B3GAT2: variants seen among roughly 807,000 people sequenced by gnomAD.
B3GAT2 encodes galactosylgalactosylxylosylprotein 3-beta-glucuronosyltransferase 2.
B3GAT2 carries 26 observed loss-of-function variants against 27.8 expected under a neutral mutation model. The ratio of observed to expected loss-of-function variants is 0.93; its 90% CI spans 0.68 to 1.30. The LOEUF is 1.30. Ranked by LOEUF, B3GAT2 falls within the 50% of genes most tolerant of loss-of-function variation. The pLI is 0.00. For missense variants in B3GAT2, 458 were observed against 459.0 expected (o/e 1.00, Z 0.02); for synonymous variants, 218 against 195.1 (o/e 1.12, Z -0.98).
intron 2 of B3GAT2, among the ~76,000 whole-genome samples, chr6:70,888,396 C>A (rs780052411): frequency 6.6e-6 from 1 of 152,140 alleles, no homozygotes; most frequent in Admixed American, 6.5e-5. Context: ...TTTAATACAT[C>A]ATTTATCACC....
intron 1 of B3GAT2, among the ~76,000 whole-genome samples, chr6:70,907,137 C>A (rs1037052011): frequency 6.6e-6 from 1 of 152,134 alleles, no homozygotes; most frequent in African/African-American, 2.4e-5. Context: ...CAAATGGTAA[C>A]CAGCCCTTCC....
At chr6:70,925,603 C>T (rs983439173) in intron 1 of B3GAT2, among the ~76,000 whole-genome samples, 7 of 152,144 alleles carry the variant, frequency 4.6e-5, no homozygotes, top group African/African-American at 1.7e-4. Flanking sequence ...GGGGGAGGGG[C>T]GTCTGCCATT....
intron 1 of B3GAT2, among the ~76,000 whole-genome samples, chr6:70,930,947 A>G (rs1176748765): frequency 6.6e-6 from 1 of 152,208 alleles, no homozygotes; most frequent in Non-Finnish European, 1.5e-5. Flanking sequence ...ATGTCCATCA[A>G]TGACAGATTG....
chr6:70,915,730 T>G (rs1197348946), intron 1 of B3GAT2, among the ~76,000 whole-genome samples: 1 of 152,212 alleles, frequency 6.6e-6, no homozygotes, highest in Non-Finnish European at 1.5e-5. Context: ...TGGTGTTATT[T>G]CTGAGGCCTC....
chr6:70,861,679 A>G lies in B3GAT2; in HGVS notation c.956T>C (p.Val319Ala). The G allele has an allele frequency of 6.2e-7, 1 of 1,613,600 alleles. No individual in the cohort carries two copies. The highest frequency in any genetic ancestry group is 1.1e-5 in the South Asian group (1 of 91,062). Reference sequence around the variant, plus strand: ...TGCTTCAATTTATACCTCAATTTTCACTGTGTCCAGGTGGTACTTTGGCTC... The same window carrying G: ...TGCTTCAATTTATACCTCAATTTTCGCTGTGTCCAGGTGGTACTTTGGCTC... ...ANEPKYHLDTVKIEV is the reference protein window; with the variant it reads ...ANEPKYHLDTAKIEV Residue 319 changes from valine (V) to alanine (A), a missense_variant, in exon 4 of 4, where the codon GTG (valine) becomes GCG (alanine). By Grantham distance (64) the Val-to-Ala change is moderately conservative. Coordinates refer to ENST00000230053, the MANE Select transcript of B3GAT2 (RefSeq NM_080742.3).
At chr6:70,945,985 G>A (rs1413327238) in intron 1 of B3GAT2, among the ~76,000 whole-genome samples, 2 of 151,872 alleles carry the variant, frequency 1.3e-5, no homozygotes, top group Admixed American at 6.6e-5. Context: ...CTTCATAAGT[G>A]AAGGAGAAAT....
intron 1 of B3GAT2, among the ~76,000 whole-genome samples, chr6:70,933,343 G>T (rs1205851386): frequency 6.6e-6 from 1 of 151,674 alleles, no homozygotes; most frequent in Non-Finnish European, 1.5e-5. Context: ...TACAAAGCAG[G>T]AAGCAAAGGT....
chr6:70,916,239 T>C (rs1772771147), intron 1 of B3GAT2, among the ~76,000 whole-genome samples: 1 of 152,152 alleles, frequency 6.6e-6, no homozygotes, highest in Non-Finnish European at 1.5e-5. Context: ...GTGATTTTTG[T>C]ACATTGATTT....
chr6:70,939,599 G>C (rs1765354403), intron 1 of B3GAT2, among the ~76,000 whole-genome samples: 1 of 151,814 alleles, frequency 6.6e-6, no homozygotes, highest in Non-Finnish European at 1.5e-5. Context: ...CCTTTGCAGG[G>C]ACATGGATGA....
chr6:70,861,561 A>G lies in B3GAT2; in HGVS notation c.*102T>C. 3.8e-6 allele frequency: 4 copies of G among 1,047,708 alleles called. No homozygotes were observed. The highest frequency in any genetic ancestry group is 5.7e-6 in the Non-Finnish European group (4 of 699,448). 64.9% of individuals were successfully genotyped at this position (1,047,708 alleles called of 1,614,324 possible). A position where few individuals can be genotyped will look rare whatever the true frequency, so the allele number is the denominator to read the frequency against. On this transcript the variant is annotated 3_prime_UTR_variant, in exon 4 of 4. Coordinates refer to ENST00000230053, the MANE Select transcript of B3GAT2 (RefSeq NM_080742.3). ...ATGACAAGAAAGGCTGCTGTACTGA[A>G]GTAAAACAAACAATACCTGAATGCT...
At chr6:70,869,694 G>T (rs1265986704) in intron 2 of B3GAT2, among the ~76,000 whole-genome samples, 2 of 152,010 alleles carry the variant, frequency 1.3e-5, no homozygotes, top group African/African-American at 4.8e-5. Flanking sequence ...TTTTCAGATT[G>T]TTCATTGCTA....
intron 2 of B3GAT2, among the ~76,000 whole-genome samples, chr6:70,884,641 GA>G (rs1250389863): frequency 6.6e-6 from 1 of 152,176 alleles, no homozygotes; most frequent in East Asian, 1.9e-4. Context: ...GGAAAATCAG[GA>G]AAAACTTCCC....
intron 1 of B3GAT2, among the ~76,000 whole-genome samples, chr6:70,947,613 C>A (rs997890045): frequency 1.1e-4 from 16 of 151,154 alleles, no homozygotes; most frequent in African/African-American, 3.9e-4. Context: ...AAAAAGAGTC[C>A]AGGACCAGAT....
chr6:70,931,177 C>T (rs1773057025), intron 1 of B3GAT2, among the ~76,000 whole-genome samples: 1 of 151,748 alleles, frequency 6.6e-6, no homozygotes, highest in Non-Finnish European at 1.5e-5. Context: ...CACACTGGGG[C>T]CTGTAGTGGG....
At chr6:70,944,449 T>C (rs1765444236) in intron 1 of B3GAT2, among the ~76,000 whole-genome samples, 1 of 79,068 alleles carries the variant, frequency 1.3e-5, no homozygotes, top group South Asian at 3.4e-4. Context: ...CCACGGAGTC[T>C]CGCTGATTGC....
chr6:70,882,354 AGCT>A (rs1772112991), intron 2 of B3GAT2, among the ~76,000 whole-genome samples: 1 of 152,116 alleles, frequency 6.6e-6, no homozygotes, highest in Non-Finnish European at 1.5e-5. Flanking sequence ...ACAAAAAATT[AGCT>A]GGGCATGGTG....
At chr6:70,920,209 T>C (rs1194026596) in intron 1 of B3GAT2, among the ~76,000 whole-genome samples, 1 of 152,190 alleles carries the variant, frequency 6.6e-6, no homozygotes, top group Non-Finnish European at 1.5e-5. Context: ...CAAGGCACCA[T>C]GAGCGTGGGA....
intron 1 of B3GAT2, among the ~76,000 whole-genome samples, chr6:70,953,777 C>T (rs1482817746): frequency 6.6e-6 from 1 of 152,082 alleles, no homozygotes; most frequent in Non-Finnish European, 1.5e-5. Flanking sequence ...TGCGTTTTTC[C>T]TTTATAATGT....
intron 1 of B3GAT2, among the ~76,000 whole-genome samples, chr6:70,903,917 T>C (rs1161575793): frequency 6.6e-6 from 1 of 152,176 alleles, no homozygotes; most frequent in African/African-American, 2.4e-5. Context: ...CTCATGTCCA[T>C]ACAAAACCTT....
Sources: allele counts gnomAD v4.1 joint callset (sites outside exome capture counted in the v4.1 genomes callset), GRCh38; gene constraint gnomAD v4.1.1; transcripts MANE v1.5; gene names NCBI Gene and HGNC (gene_info 2026-07-23, HGNC 2026-07-21).